PML: variants seen among roughly 807,000 people sequenced by gnomAD.
The protein encoded by PML is PML nuclear body scaffold.
Under a neutral mutation model 65.2 loss-of-function variants are expected in PML, and 28 were observed. The ratio of observed to expected loss-of-function variants is 0.43; its 90% confidence interval spans 0.32 to 0.59. The LOEUF (loss-of-function observed/expected upper bound fraction) is 0.59. Ranked by LOEUF, PML falls within the 20% of genes least tolerant of loss-of-function variation. The pLI, the probability that PML is intolerant of heterozygous loss-of-function variation, is 0.08. For synonymous variants in PML, 500 were observed against 508.8 expected, an observed-to-expected ratio of 0.98 and a Z score of 0.23; for missense variants, 1,021 against 1,203.4, an observed-to-expected ratio of 0.85 and a Z score of 2.24.
intron 6 of PML, chr15:74,033,777 C>G (rs1229303030): frequency 3.8e-5 from 22 of 584,232 alleles, no homozygotes; most frequent in Non-Finnish European, 2.4e-5. Flanking sequence ...ACTGGACTCC[C>G]CATGACCTTA....
At chr15:74,034,769 C>G in intron 7 of PML, 2 of 1,454,366 alleles carry the variant, frequency 1.4e-6, no homozygotes, top group Non-Finnish European at 1.8e-6. Flanking sequence ...TAGCATGTGT[C>G]CAGAGCCCTG....
chr15:74,036,845 T>C, intron 7 of PML: 3 of 764,252 alleles, frequency 3.9e-6, no homozygotes, highest in Non-Finnish European at 4.8e-6. Context: ...GGCCGTGCCC[T>C]GCACCTTGCC....
intron 2 of PML, among the ~76,000 whole-genome samples, chr15:74,011,295 AG>A (rs1038918734): frequency 6.6e-6 from 1 of 152,194 alleles, no homozygotes; most frequent in South Asian, 2.1e-4. Flanking sequence ...GGCTCAGGCT[AG>A]GGGGGTTCTC....
At chr15:74,026,678 T>TCTTG (rs1396753918) in intron 4 of PML, 1 of 151,878 alleles carries the variant, frequency 6.6e-6, no homozygotes, top group Non-Finnish European at 1.5e-5. Flanking sequence ...TTTGAGACAG[T>TCTTG]CTTGCTCTGT....
At chr15:73,998,626 G>A in intron 2 of PML, 150 bp downstream of exon 2, 1 of 682,778 alleles carries the variant, frequency 1.5e-6, no homozygotes, top group Non-Finnish European at 2.5e-6. Context: ...CAGTGTCCGT[G>A]TTGATGACCA....
chr15:74,015,212 T>C (rs2070516963), intron 2 of PML, among the ~76,000 whole-genome samples: 3 of 152,206 alleles, frequency 2.0e-5, no homozygotes, highest in Admixed American at 2.0e-4. Context: ...TTCACTCTCT[T>C]CAAATATCCC....
chr15:74,000,836 G>C (rs191700933), intron 2 of PML, among the ~76,000 whole-genome samples: 3 of 152,208 alleles, frequency 2.0e-5, no homozygotes. Flanking sequence ...ATTGTTTAGC[G>C]TAGTGCCTGG....
At chr15:74,028,521 C>G (rs967907626) in intron 4 of PML, 16 of 152,092 alleles carry the variant, frequency 1.1e-4, no homozygotes, top group African/African-American at 3.6e-4. Context: ...TCAAAATGTT[C>G]AGTTCAGTGT....
Position 73,998,381 on chromosome 15 carries a change from G to A in PML, c.507G>A (p.Leu169=). The change falls in exon 2 of 9, where the codon CTG becomes CTA. Residue 169 remains leucine (L), a synonymous_variant. Coordinates refer to ENST00000268058, the MANE Select transcript of PML (RefSeq NM_033238.3). The part of the protein sequence containing the change: ...LKHEARPLAE[L]RNQSVREFLD... ...ACGAGGCCCGGCCCCTAGCAGAGCT[G>A]CGCAACCAGTCGGTGCGTGAGTTCC... The A allele has an allele frequency of 6.2e-7, 1 of 1,614,154 alleles. No individual in the cohort carries two copies. The highest frequency in any genetic ancestry group is 1.1e-5 in the South Asian group (1 of 91,090).
chr15:73,995,582 C>G (rs1404671469), intron 1 of PML, among the ~76,000 whole-genome samples: 3 of 152,224 alleles, frequency 2.0e-5, no homozygotes, highest in African/African-American at 7.2e-5. Flanking sequence ...CATGAAAGTA[C>G]AGAGGACACC....
intron 1 of PML, among the ~76,000 whole-genome samples, chr15:73,995,260 C>T (rs1163042968): frequency 6.6e-6 from 1 of 152,246 alleles, no homozygotes; most frequent in African/African-American, 2.4e-5. Context: ...CCTGCCTCAA[C>T]TTTGCCTCAG....
rs2071782396 is a variant in PML at position 74,047,462 on chromosome 15, C to G, written c.*2454C>G. 1 of 227,518 alleles carries G rather than the reference C, an allele frequency of 4.4e-6. No individual in the cohort carries two copies. 14.1% of individuals were successfully genotyped at this position (227,518 alleles called of 1,614,324 possible). Reference sequence around the variant, plus strand: ...GCTTGATCCTTTGACCAAGAAGATCCAGTCCCAATATGTCACCTGTGCTTC... The same window carrying G: ...GCTTGATCCTTTGACCAAGAAGATCGAGTCCCAATATGTCACCTGTGCTTC... On this transcript the variant is annotated 3_prime_UTR_variant, in exon 9 of 9. Coordinates refer to ENST00000268058, the MANE Select transcript of PML (RefSeq NM_033238.3).
chr15:74,039,764 CTGTGG>C lies in PML; in HGVS notation c.1711-3223_1711-3219del, dbSNP rs1355337530. On this transcript the variant is annotated intron_variant, in intron 7 of 8. Transcript: ENST00000268058. ...CTGAATCGGGGGATTCATTGCATGT[CTGTGG>C]TAGAGGAATGCTGCTCATTTGTTTA... Among the ~76,000 whole-genome samples the C allele has an allele frequency of 2.6e-5, 4 of 152,274 alleles. No homozygotes were observed. In the East Asian group the frequency reaches 7.7e-4, roughly 29 times the overall value.
At chr15:73,996,333 A>G (rs1385135658) in intron 1 of PML, among the ~76,000 whole-genome samples, 1 of 152,260 alleles carries the variant, frequency 6.6e-6, no homozygotes, top group Non-Finnish European at 1.5e-5. Context: ...TTACCAGCGG[A>G]AAACCCATAT....
Position 74,044,857 on chromosome 15 carries a change from C to G in PML, c.2498C>G (p.Thr833Arg). 1 of 1,613,500 alleles carries G rather than the reference C, an allele frequency of 6.2e-7. No individual in the cohort carries two copies. Among genetic ancestry groups the G allele is most frequent in the Non-Finnish European group, 8.5e-7 (1 of 1,180,022 alleles). ...CGCTATCTAAGCCTGCAGACCACCA[C>G]GTTGCCCCCTGCCCAGCCTGCTTTC... is the stretch of plus-strand genomic sequence containing the variant. Reference protein sequence around the residue: ...YSRYLSLQTTTLPPAQPAFNL... With the variant: ...YSRYLSLQTTRLPPAQPAFNL... Residue 833 changes from threonine (T) to arginine (R), a missense_variant, in exon 9 of 9, where the codon ACG becomes AGG. Thr to Arg is a moderately conservative substitution (Grantham distance 71). Transcript: ENST00000268058.
intron 2 of PML, among the ~76,000 whole-genome samples, chr15:73,999,828 T>A (rs2069675106): frequency 6.6e-6 from 1 of 151,150 alleles, no homozygotes; most frequent in Non-Finnish European, 1.5e-5. Flanking sequence ...TAAAAAATTT[T>A]TTTTAATTTT....
At chr15:74,008,253 G>A (rs1291696718) in intron 2 of PML, among the ~76,000 whole-genome samples, 5 of 152,230 alleles carry the variant, frequency 3.3e-5, no homozygotes, top group Non-Finnish European at 7.3e-5. Flanking sequence ...TGTGAGGGCA[G>A]GCACTAGAAG....
At chr15:74,018,439 A>G (rs2070694158) in intron 2 of PML, among the ~76,000 whole-genome samples, 1 of 152,140 alleles carries the variant, frequency 6.6e-6, no homozygotes, top group Admixed American at 6.5e-5. Context: ...AGAATTAATA[A>G]TCTTATAATA....
intron 4 of PML, among the ~76,000 whole-genome samples, chr15:74,030,561 A>C (rs2071275148): frequency 6.6e-6 from 1 of 152,190 alleles, no homozygotes; most frequent in Non-Finnish European, 1.5e-5. Context: ...AGGCAGGAGA[A>C]TCGCTTGAAC....
Sources: gnomAD v4.1 joint callset for allele counts (sites outside exome capture counted in the v4.1 genomes callset) on GRCh38, gnomAD v4.1.1 for gene constraint, MANE v1.5 for transcripts, NCBI Gene and HGNC (gene_info 2026-07-23, HGNC 2026-07-21) for gene names.